Variants in SH3RF3 observed in about 807,000 individuals in gnomAD.
SH3RF3 encodes SH3 domain containing ring finger 3.
A neutral mutation model predicts 66.3 loss-of-function variants in SH3RF3; 29 were observed. The observed-to-expected ratio is 0.44, with a 90% confidence interval of 0.33 to 0.60. The LOEUF is 0.60. Among genes scored for constraint, SH3RF3 ranks in the 20% least tolerant of loss-of-function variants. SH3RF3 has a pLI of 0.04. For missense variants in SH3RF3, 1,194 were observed against 1,190.9 expected (o/e 1.00, Z -0.04); for synonymous variants, 583 against 532.0 (o/e 1.10, Z -1.32).
chr2:109,273,031 A>G (rs1198302507), intron 1 of SH3RF3, among the ~76,000 whole-genome samples: 1 of 152,206 alleles, frequency 6.6e-6, no homozygotes, highest in African/African-American at 2.4e-5. Context: ...GTTGGTTTTA[A>G]TTTTACCAGT....
chr2:109,144,693 T>A (rs1677050874), intron 1 of SH3RF3, among the ~76,000 whole-genome samples: 1 of 152,214 alleles, frequency 6.6e-6, no homozygotes, highest in East Asian at 1.9e-4. Flanking sequence ...CTGCACTGGG[T>A]CCAGGTTGGG....
rs1676640256 is a variant in SH3RF3 at position 109,129,779 on chromosome 2, G to T, written c.239G>T (p.Arg80Leu). The T allele has an allele frequency of 1.9e-6, 3 of 1,538,664 alleles. No individual in the cohort carries two copies. Among genetic ancestry groups the T allele is most frequent in the Admixed American group, 2.0e-5 (1 of 50,424 alleles). Residue 80 changes from arginine (R) to leucine (L), a missense_variant, in exon 1 of 10, where the codon CGC (arginine) becomes CTC (leucine). By Grantham distance (102) the Arg-to-Leu change is moderately radical (BLOSUM62 -2). Transcript: ENST00000309415. ...CCATGCCAACACACTTTCTGCCGCCGCTGCCTGGAGAGCATCGTGTGCTCG... is the reference window on the plus strand; with the variant it reads ...CCATGCCAACACACTTTCTGCCGCCTCTGCCTGGAGAGCATCGTGTGCTCG... ...VLPCQHTFCR[R>L]CLESIVCSRH...
Position 109,250,105 on chromosome 2 carries a change from T to G in SH3RF3, c.574-97569T>G, listed in dbSNP as rs1450745466. 4.0e-5 allele frequency among the ~76,000 whole-genome samples: 6 copies of G among 150,242 alleles called. No individual in the cohort carries two copies. In the East Asian group the frequency reaches 7.7e-4, roughly 19 times the overall value. On this transcript the variant is annotated intron_variant, in intron 1 of 9. Transcript: ENST00000309415. The stretch of plus-strand genomic sequence containing the variant: ...GTAGGTGTTCCTTTTTTTTTTTTTT[T>G]GTCTAATTAGAATTCTTGTTTTTAT...
intron 1 of SH3RF3, among the ~76,000 whole-genome samples, chr2:109,287,700 C>T (rs980985718): frequency 6.6e-6 from 1 of 152,188 alleles, no homozygotes; most frequent in Non-Finnish European, 1.5e-5. Flanking sequence ...TCAGAGGCCT[C>T]AGATCTCATC....
intron 1 of SH3RF3, among the ~76,000 whole-genome samples, chr2:109,314,866 T>C (rs1681834555): frequency 6.6e-6 from 1 of 152,200 alleles, no homozygotes; most frequent in Non-Finnish European, 1.5e-5. Context: ...GAGGAGACCC[T>C]CTGAGTTGGT....
rs557285849 is a variant in SH3RF3 at position 109,393,973 on chromosome 2, A to G, written c.946-4617A>G. ...GTCGTGGACCCAGCGCTGAAATTCC[A>G]GGGCTGGCCGCACCTCCCCACCGGA... On this transcript the variant is annotated intron_variant, in intron 3 of 9. Transcript: ENST00000309415. 6.4e-4 allele frequency among the ~76,000 whole-genome samples: 98 copies of G among 152,084 alleles called. 1 individual carries two copies. The highest frequency in any genetic ancestry group is 2.3e-3 in the African/African-American group (97 of 41,490).
chr2:109,270,934 C>T (rs1680610365), intron 1 of SH3RF3, among the ~76,000 whole-genome samples: 1 of 152,218 alleles, frequency 6.6e-6, no homozygotes, highest in South Asian at 2.1e-4. Context: ...CAGCGGGGCC[C>T]TCCATGGCTA....
rs140115225 is a variant in SH3RF3 at position 109,167,964 on chromosome 2, T to C, written c.573+37851T>C. On this transcript the variant is annotated intron_variant, in intron 1 of 9. Coordinates refer to ENST00000309415, the MANE Select transcript of SH3RF3 (RefSeq NM_001099289.3). ...TGTATCTTTCACATGTAGAGAAACA[T>C]TTATTAAATGTTGAACATAGTGATA... Among the ~76,000 whole-genome samples, 758 of 152,286 alleles carry C rather than the reference T, an allele frequency of 5.0e-3. 3 individuals carry two copies. Among genetic ancestry groups the C allele is most frequent in the Non-Finnish European group, 8.0e-3 (542 of 68,020 alleles).
At chr2:109,233,335 A>G (rs1411383876) in intron 1 of SH3RF3, among the ~76,000 whole-genome samples, 1 of 152,108 alleles carries the variant, frequency 6.6e-6, no homozygotes, top group Non-Finnish European at 1.5e-5. Flanking sequence ...AAGGGGAGAG[A>G]GTGGGAAGAT....
chr2:109,220,899 C>A (rs1373184549), intron 1 of SH3RF3, among the ~76,000 whole-genome samples: 1 of 152,192 alleles, frequency 6.6e-6, no homozygotes, highest in East Asian at 1.9e-4. Context: ...ACTATATAAT[C>A]CAGCAGTTCT....
At chr2:109,323,248 C>T (rs1474808006) in intron 1 of SH3RF3, among the ~76,000 whole-genome samples, 2 of 152,134 alleles carry the variant, frequency 1.3e-5, no homozygotes, top group Admixed American at 1.3e-4. Context: ...AGGTCTTGGG[C>T]TGGGAGTCAT....
chr2:109,319,512 CAT>C (rs1199303958), intron 1 of SH3RF3, among the ~76,000 whole-genome samples: 2 of 152,142 alleles, frequency 1.3e-5, no homozygotes, highest in African/African-American at 4.8e-5. Context: ...AAGAGAAACA[CAT>C]GTTAGTACAG....
rs1437769435 is a variant in SH3RF3 at position 109,199,847 on chromosome 2, T to TGGAAA, written c.573+69735_573+69739dup. ...TGGAATGGAATGGAATGGAATGGAA[T>TGGAAA]GGAAATAACAAAATTGTCTTGGGGA... On this transcript the variant is annotated intron_variant, in intron 1 of 9. Transcript: ENST00000309415. Among the ~76,000 whole-genome samples the TGGAAA allele has an allele frequency of 9.8e-3, 452 of 46,152 alleles. 185 individuals are homozygous for TGGAAA. The highest frequency in any genetic ancestry group is 0.016 in the South Asian group (17 of 1,092). The allele number at this position is 46,152 out of a possible 152,430, so 30.3% of individuals were successfully genotyped here. A position where few individuals can be genotyped will look rare whatever the true frequency, so the allele number is the denominator to read the frequency against.
chr2:109,329,651 A>C (rs1431090850), intron 1 of SH3RF3, among the ~76,000 whole-genome samples: 1 of 152,230 alleles, frequency 6.6e-6, no homozygotes, highest in Non-Finnish European at 1.5e-5. Flanking sequence ...AGAGATTTGC[A>C]CATTTCTAGA....
chr2:109,130,031 C>T lies in SH3RF3; in HGVS notation c.491C>T (p.Pro164Leu), dbSNP rs1479208295. The T allele has an allele frequency of 3.7e-6, 5 of 1,342,844 alleles. No homozygotes were observed. The highest frequency in any genetic ancestry group is 3.7e-5 in the Admixed American group (1 of 27,350). 83.2% of individuals were successfully genotyped at this position (1,342,844 alleles called of 1,614,324 possible). A position where few individuals can be genotyped will look rare whatever the true frequency, so the allele number is the denominator to read the frequency against. ...GGAAGSTPGS[P>L]VFLSAAAGST... ...GCGGCAGGCAGCACCCCGGGTTCCC[C>T]GGTTTTCCTCTCCGCGGCCGCGGGC... Residue 164 changes from proline to leucine, a missense_variant, in exon 1 of 10, where the codon CCG becomes CTG. Physicochemically the swap from Pro to Leu is moderately conservative, Grantham distance 98. Coordinates refer to ENST00000309415, the MANE Select transcript of SH3RF3 (RefSeq NM_001099289.3).
intron 1 of SH3RF3, among the ~76,000 whole-genome samples, chr2:109,206,353 T>C (rs1487706744): frequency 1.3e-5 from 2 of 151,900 alleles, no homozygotes; most frequent in African/African-American, 2.4e-5. Flanking sequence ...TTGCCGGGCT[T>C]GGTGGAGGGC....
At chr2:109,269,147 T>C (rs941204919) in intron 1 of SH3RF3, among the ~76,000 whole-genome samples, 3 of 152,202 alleles carry the variant, frequency 2.0e-5, no homozygotes, top group Admixed American at 1.3e-4. Context: ...GTGGGCATCA[T>C]AGGCAGTTTC....
chr2:109,302,367 C>G (rs922466880), intron 1 of SH3RF3, among the ~76,000 whole-genome samples: 1 of 152,206 alleles, frequency 6.6e-6, no homozygotes, highest in Admixed American at 6.5e-5. Flanking sequence ...AGGTGAAATG[C>G]TTGCTGCTTC....
chr2:109,341,512 G>T (rs1329540277), intron 1 of SH3RF3, among the ~76,000 whole-genome samples: 1 of 152,182 alleles, frequency 6.6e-6, no homozygotes, highest in African/African-American at 2.4e-5. Context: ...TAAAGAAATT[G>T]TAAATACACC....
Sources: gnomAD v4.1 joint callset for allele counts (sites outside exome capture counted in the v4.1 genomes callset) on GRCh38, gnomAD v4.1.1 for gene constraint, MANE v1.5 for transcripts, NCBI Gene and HGNC (gene_info 2026-07-23, HGNC 2026-07-21) for gene names.